The following DGKB variants were observed in gnomAD, a reference collection of about 807,000 sequenced individuals.
The protein encoded by DGKB is 90 kDa diacylglycerol kinase.
A neutral mutation model predicts 114.3 loss-of-function variants in DGKB; 67 were observed. The ratio of observed to expected loss-of-function variants is 0.59; its 90% CI spans 0.48 to 0.72. DGKB has a LOEUF of 0.72. Among genes scored for constraint, DGKB ranks in the 30% least tolerant of loss-of-function variants. The pLI is 0.00. For missense variants in DGKB, 907 were observed against 975.2 expected (o/e 0.93, Z 0.93); for synonymous variants, 398 against 323.1 (o/e 1.23, Z -2.49).
At chr7:14,952,022 G>C (rs1014085462) in intron 1 of DGKB, among the ~76,000 whole-genome samples, 3 of 151,980 alleles carry the variant, frequency 2.0e-5, no homozygotes, top group Non-Finnish European at 4.4e-5. Context: ...TTTGGAAATA[G>C]GGTTTTTAAG....
chr7:14,284,682 T>TA (rs1448751969), intron 23 of DGKB, among the ~76,000 whole-genome samples: 2 of 150,550 alleles, frequency 1.3e-5, no homozygotes. Context: ...TATGCAGCCA[T>TA]AAAAAATGAT....
intron 23 of DGKB, among the ~76,000 whole-genome samples, chr7:14,296,760 GTTTT>G (rs56367420): frequency 0.01 from 1,041 of 100,826 alleles, 17 homozygotes; most frequent in African/African-American, 0.035. Context: ...TCCAGGGACT[GTTTT>G]TTTTTTTTTT....
At chr7:14,529,053 C>G (rs1563412948) in intron 20 of DGKB, among the ~76,000 whole-genome samples, 1 of 151,880 alleles carries the variant, frequency 6.6e-6, no homozygotes, top group East Asian at 1.9e-4. Flanking sequence ...TTTACAAACC[C>G]TCAACATTTT....
intron 1 of DGKB, among the ~76,000 whole-genome samples, chr7:14,878,438 T>A (rs2358073): frequency 6.6e-6 from 1 of 151,884 alleles, no homozygotes; most frequent in Non-Finnish European, 1.5e-5. Context: ...ATAATTTTAT[T>A]TGGGTATTAA....
intron 2 of DGKB, among the ~76,000 whole-genome samples, chr7:14,776,307 C>A (rs1838171769): frequency 6.6e-6 from 1 of 152,184 alleles, no homozygotes; most frequent in Non-Finnish European, 1.5e-5. Flanking sequence ...AAATACAAGC[C>A]AGCAGCAGAA....
chr7:14,626,256 C>T (rs1808567816), intron 14 of DGKB, among the ~76,000 whole-genome samples: 1 of 152,170 alleles, frequency 6.6e-6, no homozygotes, highest in African/African-American at 2.4e-5. Flanking sequence ...ACCTCAAGAA[C>T]AGGGTTTTCT....
At chr7:14,756,098 T>C (rs1473275475) in intron 3 of DGKB, among the ~76,000 whole-genome samples, 1 of 151,906 alleles carries the variant, frequency 6.6e-6, no homozygotes, top group Non-Finnish European at 1.5e-5. Context: ...AAATAAAAAA[T>C]AATTGAAGCA....
Position 14,414,893 on chromosome 7 carries a change from T to G in DGKB, c.1835+63268A>C, listed in dbSNP as rs147688647. Among the ~76,000 whole-genome samples the G allele has an allele frequency of 8.7e-3, 1,319 of 152,208 alleles. 10 individuals are homozygous for G. Among genetic ancestry groups the G allele is most frequent in the South Asian group, 0.027 (131 of 4,832 alleles). Reference sequence around the variant, plus strand: ...GTAACTTATCCATTAAAATTTTATCTGTTGTGAACATAATTTTTAACAACT... The same window carrying G: ...GTAACTTATCCATTAAAATTTTATCGGTTGTGAACATAATTTTTAACAACT... On this transcript the variant is annotated intron_variant, in intron 21 of 25. Transcript: ENST00000402815.
intron 2 of DGKB, among the ~76,000 whole-genome samples, chr7:14,796,556 A>G (rs780946348): frequency 6.6e-6 from 1 of 152,160 alleles, no homozygotes; most frequent in Non-Finnish European, 1.5e-5. Flanking sequence ...AGACAAAAGC[A>G]TAATCAAAGC....
Position 14,645,700 on chromosome 7 carries a change from GA to G in DGKB, c.1135-15433del, listed in dbSNP as rs560563150. On this transcript the variant is annotated intron_variant, in intron 13 of 25. Coordinates refer to ENST00000402815, the MANE Select transcript of DGKB (RefSeq NM_001350709.2). ...AGATGATATATTCAAAATGCTAAAA[GA>G]AAAAAAAAAACCTGTCAGCCAAGAA... Among the ~76,000 whole-genome samples the G allele has an allele frequency of 6.7e-3, 943 of 141,332 alleles. 2 individuals are homozygous for G. Among genetic ancestry groups the G allele is most frequent in the African/African-American group, 8.0e-3 (310 of 38,756 alleles). The allele number at this position is 141,332 out of a possible 152,430, so 92.7% of individuals were successfully genotyped here.
At chr7:14,589,427 T>C (rs1426286547) in intron 17 of DGKB, among the ~76,000 whole-genome samples, 1 of 152,046 alleles carries the variant, frequency 6.6e-6, no homozygotes, top group African/African-American at 2.4e-5. Flanking sequence ...TATTGTTGAA[T>C]AGGAGTATTC....
At chr7:14,448,779 T>G (rs1006024895) in intron 21 of DGKB, among the ~76,000 whole-genome samples, 2 of 152,110 alleles carry the variant, frequency 1.3e-5, no homozygotes, top group African/African-American at 4.8e-5. Context: ...GTGGTAGAGC[T>G]GGGATTCAAA....
chr7:14,638,443 A>G (rs1272908929), intron 13 of DGKB, among the ~76,000 whole-genome samples: 1 of 152,170 alleles, frequency 6.6e-6, no homozygotes, highest in Non-Finnish European at 1.5e-5. Flanking sequence ...TTTACTTGAT[A>G]TATATGTTAC....
At chr7:14,508,848 G>A (rs28582236) in intron 20 of DGKB, among the ~76,000 whole-genome samples, 2,769 of 152,144 alleles carry the variant, frequency 0.018, 72 homozygotes, top group African/African-American at 0.062. Flanking sequence ...TCATTCTGAC[G>A]TTTTACAGAA....
At chr7:14,866,693 A>G (rs1851756594) in intron 1 of DGKB, among the ~76,000 whole-genome samples, 1 of 152,154 alleles carries the variant, frequency 6.6e-6, no homozygotes, top group Non-Finnish European at 1.5e-5. Context: ...TGCTATAAAC[A>G]TTCATATGCA....
At chr7:14,563,887 G>T (rs1014421984) in intron 20 of DGKB, among the ~76,000 whole-genome samples, 2 of 152,132 alleles carry the variant, frequency 1.3e-5, no homozygotes, top group Non-Finnish European at 2.9e-5. Flanking sequence ...GCAAGCTGCT[G>T]TAGTTTTCCT....
chr7:14,863,778 A>C (rs1193848604), intron 1 of DGKB, among the ~76,000 whole-genome samples: 1 of 152,062 alleles, frequency 6.6e-6, no homozygotes, highest in Non-Finnish European at 1.5e-5. Context: ...ATTCTGGGGC[A>C]GTATATGTTA....
chr7:14,462,851 G>T (rs142245481), intron 21 of DGKB, among the ~76,000 whole-genome samples: 2 of 152,094 alleles, frequency 1.3e-5, no homozygotes, highest in African/African-American at 4.8e-5. Flanking sequence ...ATATGACAAG[G>T]CTACAGTAAC....
intron 5 of DGKB, among the ~76,000 whole-genome samples, chr7:14,726,767 T>C (rs563864201): frequency 6.6e-6 from 1 of 152,240 alleles, no homozygotes; most frequent in Non-Finnish European, 1.5e-5. Flanking sequence ...ATTTTTCTTA[T>C]TGCTCATCTG....
Sources: gnomAD v4.1 joint callset for allele counts (sites outside exome capture counted in the v4.1 genomes callset) on GRCh38, gnomAD v4.1.1 for gene constraint, MANE v1.5 for transcripts, NCBI Gene and HGNC (gene_info 2026-07-23, HGNC 2026-07-21) for gene names.